The following ITPA variants were observed in gnomAD, a reference collection of about 807,000 sequenced individuals.
ITPA encodes the protein inosine triphosphate pyrophosphatase.
ITPA carries 29 observed loss-of-function variants against 29.6 expected under a neutral mutation model. The observed-to-expected ratio is 0.98, with a 90% confidence interval of 0.73 to 1.34. The LOEUF (loss-of-function observed/expected upper bound fraction) is 1.34. ITPA is among the 40% of genes most tolerant of loss of function. The pLI is 0.00. For missense variants in ITPA, 241 were observed against 251.5 expected, an observed-to-expected ratio of 0.96 and a Z score of 0.28; for synonymous variants, 103 against 99.3, an observed-to-expected ratio of 1.04 and a Z score of -0.22.
At chr20:3,210,697 A>G (rs962524733) in intron 1 of ITPA, among the ~76,000 whole-genome samples, 2 of 152,134 alleles carry the variant, frequency 1.3e-5, no homozygotes, top group African/African-American at 4.8e-5. Flanking sequence ...AACAGAGCCC[A>G]TGCAGGACAG....
intron 6 of ITPA, among the ~76,000 whole-genome samples, chr20:3,221,035 A>G (rs1318936882): frequency 1.3e-5 from 2 of 151,844 alleles, no homozygotes; most frequent in Admixed American, 1.3e-4. Context: ...ACAGGCTTAC[A>G]CCACCAGGCT....
At chr20:3,205,916 C>T (rs2067066610), upstream of ITPA, among the ~76,000 whole-genome samples, 1 of 151,512 alleles carries the variant, frequency 6.6e-6, no homozygotes, top group Non-Finnish European at 1.5e-5. Context: ...ATGAGTGGGG[C>T]GTGGTGGCAC....
chr20:3,218,028 CT>C (rs1234747038), intron 5 of ITPA, among the ~76,000 whole-genome samples: 1 of 152,072 alleles, frequency 6.6e-6, no homozygotes, highest in Non-Finnish European at 1.5e-5. Flanking sequence ...CACCATTCTC[CT>C]GCCTCAGCCT....
chr20:3,226,115 G>A (rs75456167), downstream of ITPA, among the ~76,000 whole-genome samples: 3,470 of 152,248 alleles, frequency 0.023, 126 homozygotes, highest in African/African-American at 0.079. The surrounding 1 kb of genome is among the most constrained non-coding windows in gnomAD (Gnocchi z 4.4). Flanking sequence ...AAGAGGAGTC[G>A]TGGGAACCCC....
chr20:3,215,154 A>C (rs1600509008), intron 4 of ITPA, 127 bp from the exon 5 acceptor site: 1 of 907,506 alleles, frequency 1.1e-6, no homozygotes, highest in Non-Finnish European at 1.8e-6. Flanking sequence ...GGCGGGACCC[A>C]CCTCGCCTGG....
At chr20:3,206,298 G>T (rs1305602200), upstream of ITPA, among the ~76,000 whole-genome samples, 4 of 141,844 alleles carry the variant, frequency 2.8e-5, no homozygotes, top group Non-Finnish European at 6.0e-5. Context: ...TGAGGCAGGA[G>T]AATCTCTCGA....
At chr20:3,217,237 A>G (rs1463713742) in intron 5 of ITPA, among the ~76,000 whole-genome samples, 1 of 152,188 alleles carries the variant, frequency 6.6e-6, no homozygotes, top group Non-Finnish European at 1.5e-5. Context: ...GCATAGTAGA[A>G]TATCATAATA....
chr20:3,218,918 C>T lies in ITPA; in HGVS notation c.411+286C>T. On this transcript the variant is annotated intron_variant, in intron 6 of 7. Coordinates refer to ENST00000380113, the MANE Select transcript of ITPA (RefSeq NM_033453.4). ...TTGTCAATTCTGAAACCTGTTTGAC[C>T]CCTGAGGCTGTTGTTTCAGGGAAAC... is the stretch of plus-strand genomic sequence containing the variant. 3 of 486,452 alleles carry T rather than the reference C, an allele frequency of 6.2e-6. No homozygotes were observed. The South Asian group carries it at 6.2e-5, about 10-fold the overall frequency. 30.1% of individuals were successfully genotyped at this position (486,452 alleles called of 1,614,324 possible). A position where few individuals can be genotyped will look rare whatever the true frequency, so the allele number is the denominator to read the frequency against.
rs746841015 is a variant in ITPA at position 3,223,505 on chromosome 20, A to T, written c.*43A>T. On this transcript the variant is annotated 3_prime_UTR_variant, in exon 8 of 8. Coordinates refer to ENST00000380113, the MANE Select transcript of ITPA (RefSeq NM_033453.4). ...GGCCCCTCAGGCCGGGGATCTGGGG[A>T]GGGCTAGCCCAAAACCTCCCGCATC... 6 of 1,509,304 alleles carry T rather than the reference A, an allele frequency of 4.0e-6. No homozygotes were observed. The allele number at this position is 1,509,304 out of a possible 1,614,324, so 93.5% of individuals were successfully genotyped here. A position where few individuals can be genotyped will look rare whatever the true frequency, so the allele number is the denominator to read the frequency against.
chr20:3,215,681 C>T (rs2067277220), intron 5 of ITPA, among the ~76,000 whole-genome samples: 1 of 152,154 alleles, frequency 6.6e-6, no homozygotes, highest in South Asian at 2.1e-4. Flanking sequence ...AATGTCCCCT[C>T]TTTATGTGCT....
chr20:3,221,897 G>T lies in ITPA; in HGVS notation c.468G>T (p.Gln156His), dbSNP rs1164207315. 9 of 1,613,892 alleles carry T rather than the reference G, an allele frequency of 5.6e-6. No homozygotes were observed. The highest frequency in any genetic ancestry group is 1.7e-5 in the Admixed American group (1 of 60,000). Residue 156 changes from glutamine (Q) to histidine (H), a missense_variant, in exon 7 of 8, where the codon CAG (glutamine) becomes CAT (histidine). Transcript: ENST00000380113. ...CQDFGWDPCF[Q>H]PDGYEQTYAE... ...ACTTTGGCTGGGACCCCTGCTTTCA[G>T]CCTGATGGATATGAGCAGACGTAAG...
upstream of ITPA, among the ~76,000 whole-genome samples, chr20:3,204,971 C>T (rs1228681234): frequency 2.6e-5 from 4 of 152,036 alleles, no homozygotes; most frequent in Non-Finnish European, 5.9e-5. Flanking sequence ...CTGCCTCAGA[C>T]TCCCGAGTAG....
chr20:3,212,573 G>C (rs2067198327), intron 1 of ITPA, among the ~76,000 whole-genome samples: 1 of 152,070 alleles, frequency 6.6e-6, no homozygotes, highest in African/African-American at 2.4e-5. Context: ...TGCCCACCTT[G>C]GCCTCCAAAA....
chr20:3,206,143 C>T (rs1292149139), upstream of ITPA, among the ~76,000 whole-genome samples: 3 of 151,190 alleles, frequency 2.0e-5, no homozygotes, highest in South Asian at 2.1e-4. Flanking sequence ...AATCCCAGCA[C>T]TTTGGGAGGC....
At chr20:3,226,605 GC>G (rs2067557319), downstream of ITPA, among the ~76,000 whole-genome samples, 1 of 152,192 alleles carries the variant, frequency 6.6e-6, no homozygotes, top group South Asian at 2.1e-4. The surrounding 1 kb of genome is among the most constrained non-coding windows in gnomAD (Gnocchi z 4.4). Flanking sequence ...CCTGTTCACG[GC>G]CTCTGCCTCT....
At chr20:3,204,356 G>C (rs1370779648), upstream of ITPA, among the ~76,000 whole-genome samples, 1 of 152,164 alleles carries the variant, frequency 6.6e-6, no homozygotes, top group African/African-American at 2.4e-5. Flanking sequence ...GTAGCGGCGC[G>C]GCCACCGATT....
chr20:3,216,306 C>A (rs1484750136), intron 5 of ITPA, among the ~76,000 whole-genome samples: 1 of 151,428 alleles, frequency 6.6e-6, no homozygotes, highest in South Asian at 2.1e-4. Context: ...ACTACAGGCA[C>A]GTGCCACCAT....
chr20:3,225,482 A>T (rs1318204511), downstream of ITPA, among the ~76,000 whole-genome samples: 1 of 152,156 alleles, frequency 6.6e-6, no homozygotes, highest in Non-Finnish European at 1.5e-5. Context: ...CCTCCATAAA[A>T]ACCCAAAAGG....
chr20:3,219,899 G>A (rs957435576), intron 6 of ITPA, among the ~76,000 whole-genome samples: 3 of 151,674 alleles, frequency 2.0e-5, no homozygotes, highest in Non-Finnish European at 4.4e-5. Flanking sequence ...ATAAATAGCC[G>A]GACATGGTGG....
Sources: gnomAD v4.1 joint callset for allele counts (sites outside exome capture counted in the v4.1 genomes callset) on GRCh38, gnomAD v4.1.1 for gene constraint, Gnocchi (gnomAD v3.1) non-coding constraint, MANE v1.5 for transcripts, NCBI Gene and HGNC (gene_info 2026-07-23, HGNC 2026-07-21) for gene names.